The following HTR1F variants were observed in gnomAD, a reference collection of about 807,000 sequenced individuals.
HTR1F encodes 5-hydroxytryptamine receptor 1F.
HTR1F carries 17 observed loss-of-function variants against 24.0 expected under a neutral mutation model. The observed-to-expected ratio is 0.71, with a 90% CI of 0.48 to 1.06. The LOEUF is 1.06. HTR1F is among the 50% of genes least tolerant of loss of function. HTR1F has a pLI of 0.00. For synonymous variants in HTR1F, 186 were observed against 156.8 expected (o/e 1.19, Z -1.39); for missense variants, 391 against 427.8 (o/e 0.91, Z 0.76).
chr3:87,976,784 A>T (rs6798422), intron 2 of HTR1F, among the ~76,000 whole-genome samples: 10,885 of 152,192 alleles, frequency 0.072, 1,250 homozygotes, highest in African/African-American at 0.24. Context: ...ACGTAGTTAA[A>T]TATCAACTTT....
At chr3:87,972,225 T>G (rs1428938493) in intron 2 of HTR1F, among the ~76,000 whole-genome samples, 1 of 152,258 alleles carries the variant, frequency 6.6e-6, no homozygotes, top group Non-Finnish European at 1.5e-5. Flanking sequence ...AATTCAAATT[T>G]TTACTTTGCC....
Position 87,990,988 on chromosome 3 carries a change from G to A in HTR1F, c.239G>A (p.Ser80Asn), listed in dbSNP as rs749705512. 6.2e-7 allele frequency: 1 copy of A among 1,614,154 alleles called. No individual in the cohort carries two copies. The highest frequency in any genetic ancestry group is 8.5e-7 in the Non-Finnish European group (1 of 1,180,016). ...FLVAVLVMPF[S>N]IVYIVRESWI... is the part of the protein sequence containing the mutation. ...GTGGCTGTCCTGGTGATGCCCTTCA[G>A]CATTGTGTATATTGTGAGAGAGAGC... The change falls in exon 3 of 3, where the codon AGC becomes AAC. Residue 80 changes from serine to asparagine, a missense_variant. Physicochemically the swap from Ser to Asn is conservative, Grantham distance 46. Coordinates refer to ENST00000319595, the MANE Select transcript of HTR1F (RefSeq NM_001322209.2).
At chr3:87,869,412 G>GATACATAC (rs1705500458) in intron 2 of HTR1F, among the ~76,000 whole-genome samples, 1 of 110,534 alleles carries the variant, frequency 9.0e-6, no homozygotes, top group African/African-American at 6.4e-5. Flanking sequence ...TAGATAGATA[G>GATACATAC]ATAGATAGAT....
chr3:87,836,135 C>T (rs1401264497), intron 2 of HTR1F, among the ~76,000 whole-genome samples: 1 of 152,160 alleles, frequency 6.6e-6, no homozygotes, highest in Non-Finnish European at 1.5e-5. Context: ...CAGATGGATT[C>T]CATGCTAGTG....
intron 2 of HTR1F, among the ~76,000 whole-genome samples, chr3:87,916,254 A>G (rs1703889130): frequency 6.6e-6 from 1 of 151,310 alleles, no homozygotes; most frequent in Admixed American, 6.6e-5. Context: ...GGACCTCTTT[A>G]AAGCATAAAT....
At chr3:87,817,471 A>T (rs892449417) in intron 1 of HTR1F, among the ~76,000 whole-genome samples, 1 of 152,200 alleles carries the variant, frequency 6.6e-6, no homozygotes, top group African/African-American at 2.4e-5. Flanking sequence ...AAGTCAGGCA[A>T]CAGTTCTTAA....
chr3:87,877,665 A>G (rs1021765215), intron 2 of HTR1F, among the ~76,000 whole-genome samples: 1 of 152,158 alleles, frequency 6.6e-6, no homozygotes, highest in African/African-American at 2.4e-5. Flanking sequence ...CAAGATCCCA[A>G]CTATCAATAG....
intron 2 of HTR1F, among the ~76,000 whole-genome samples, chr3:87,872,853 G>A (rs1469093799): frequency 9.9e-5 from 15 of 151,842 alleles, no homozygotes; most frequent in Non-Finnish European, 1.5e-5. Flanking sequence ...GGACAACTCC[G>A]CCAAACTTTT....
chr3:87,932,063 T>A (rs1166282920), intron 2 of HTR1F, among the ~76,000 whole-genome samples: 2 of 152,212 alleles, frequency 1.3e-5, no homozygotes, highest in Non-Finnish European at 2.9e-5. Flanking sequence ...ATCCCATTTG[T>A]CAGTTTTGGC....
At chr3:87,987,074 C>T (rs1289153027) in intron 2 of HTR1F, among the ~76,000 whole-genome samples, 1 of 151,634 alleles carries the variant, frequency 6.6e-6, no homozygotes, top group Non-Finnish European at 1.5e-5. Flanking sequence ...CCACTGTACT[C>T]CAGCCTGGGG....
chr3:87,812,172 A>G (rs1052311508), intron 1 of HTR1F, among the ~76,000 whole-genome samples: 1 of 152,178 alleles, frequency 6.6e-6, no homozygotes, highest in Non-Finnish European at 1.5e-5. Flanking sequence ...CTAGAAAGAT[A>G]CAGAAAATAT....
chr3:87,945,134 C>T (rs1249531197), intron 2 of HTR1F, among the ~76,000 whole-genome samples: 1 of 150,808 alleles, frequency 6.6e-6, no homozygotes, highest in African/African-American at 2.5e-5. Flanking sequence ...CTCTCTCCTC[C>T]ATCTCTCCCT....
intron 2 of HTR1F, among the ~76,000 whole-genome samples, chr3:87,949,420 CTCCTTCAGA>C (rs1419619784): frequency 3.3e-5 from 5 of 152,212 alleles, no homozygotes; most frequent in African/African-American, 4.8e-5. Flanking sequence ...TAGAAGAGGA[CTCCTTCAGA>C]AAGGCAGCCT....
At chr3:87,810,255 G>A (rs1176234198) in intron 1 of HTR1F, among the ~76,000 whole-genome samples, 1 of 152,030 alleles carries the variant, frequency 6.6e-6, no homozygotes, top group African/African-American at 2.4e-5. Flanking sequence ...AGATCTTATA[G>A]CCTGACAGGA....
intron 1 of HTR1F, among the ~76,000 whole-genome samples, chr3:87,804,578 A>C (rs923273292): frequency 2.8e-4 from 42 of 152,014 alleles, no homozygotes; most frequent in Admixed American, 5.9e-4. Flanking sequence ...TAGAAATTTG[A>C]ATATCAGTAT....
intron 2 of HTR1F, among the ~76,000 whole-genome samples, chr3:87,893,559 C>A (rs1706129944): frequency 6.6e-6 from 1 of 152,178 alleles, no homozygotes; most frequent in South Asian, 2.1e-4. Context: ...GGCACAATGT[C>A]AACAGTAGCA....
intron 2 of HTR1F, among the ~76,000 whole-genome samples, chr3:87,961,863 GGGTTGTCA>G (rs1339546505): frequency 5.3e-5 from 8 of 150,936 alleles, no homozygotes; most frequent in Non-Finnish European, 1.0e-4. Context: ...AAATGTGTAA[GGGTTGTCA>G]GATAAAATAT....
At chr3:87,976,508 CTG>C (rs1236327383) in intron 2 of HTR1F, among the ~76,000 whole-genome samples, 1 of 152,114 alleles carries the variant, frequency 6.6e-6, no homozygotes, top group African/African-American at 2.4e-5. Flanking sequence ...TTAAAAAAAA[CTG>C]AAGTTGTTAA....
chr3:87,814,336 G>C (rs1163471120), intron 1 of HTR1F, among the ~76,000 whole-genome samples: 2 of 151,906 alleles, frequency 1.3e-5, no homozygotes, highest in African/African-American at 2.4e-5. Flanking sequence ...TTATGGAATG[G>C]CTACATCAAG....
Sources: gnomAD v4.1 joint callset for allele counts (sites outside exome capture counted in the v4.1 genomes callset) on GRCh38, gnomAD v4.1.1 for gene constraint, MANE v1.5 for transcripts, NCBI Gene and HGNC (gene_info 2026-07-23, HGNC 2026-07-21) for gene names.